The following GPR137C variants were observed in gnomAD, a reference collection of about 807,000 sequenced individuals.
GPR137C encodes integral membrane protein GPR137C.
A neutral mutation model predicts 43.4 loss-of-function variants in GPR137C; 27 were observed. That is an observed-to-expected ratio of 0.62 (90% confidence interval 0.46 to 0.86). GPR137C has a LOEUF of 0.86. Among genes scored for constraint, GPR137C ranks in the 40% least tolerant of loss-of-function variants. GPR137C has a pLI of 0.00. For missense variants in GPR137C, 522 were observed against 534.6 expected (o/e 0.98, Z 0.23); for synonymous variants, 285 against 226.9 (o/e 1.26, Z -2.30).
At chr14:52,630,568 G>A (rs1163627067) in intron 3 of GPR137C, among the ~76,000 whole-genome samples, 1 of 152,040 alleles carries the variant, frequency 6.6e-6, no homozygotes, top group Non-Finnish European at 1.5e-5. Flanking sequence ...TAGTGTGTTA[G>A]CTCAAAGAAG....
At chr14:52,603,592 T>G (rs1424526737) in intron 3 of GPR137C, among the ~76,000 whole-genome samples, 1 of 152,162 alleles carries the variant, frequency 6.6e-6, no homozygotes. Context: ...GGAGTACAAG[T>G]GGCGCACTCT....
At chr14:52,556,353 G>A (rs2038193211) in intron 1 of GPR137C, among the ~76,000 whole-genome samples, 1 of 147,734 alleles carries the variant, frequency 6.8e-6, no homozygotes, top group Non-Finnish European at 1.5e-5. Context: ...TAAAACTCAT[G>A]TTTTTGAAAA....
rs1473809629 is a variant in GPR137C at position 52,636,872 on chromosome 14, A to G, written c.*1757A>G. The G allele has an allele frequency of 6.6e-6, 1 of 152,142 alleles. No homozygotes were observed. Among genetic ancestry groups the G allele is most frequent in the Non-Finnish European group, 1.5e-5 (1 of 67,980 alleles). 9.4% of individuals were successfully genotyped at this position (152,142 alleles called of 1,614,324 possible). ...AGTGACAAAAGCGTACTTTTATTACAACTCCAGTTGTTAGATTGCTTCTCA... is the reference window on the plus strand; with the variant it reads ...AGTGACAAAAGCGTACTTTTATTACGACTCCAGTTGTTAGATTGCTTCTCA... On this transcript the variant is annotated 3_prime_UTR_variant, in exon 7 of 7. Transcript: ENST00000321662.
chr14:52,634,251 T>G (rs1327272027), intron 6 of GPR137C, among the ~76,000 whole-genome samples: 1 of 152,116 alleles, frequency 6.6e-6, no homozygotes, highest in Non-Finnish European at 1.5e-5. Context: ...AATACTATTA[T>G]AGTGATTATA....
At chr14:52,586,920 C>A (rs953863618) in intron 1 of GPR137C, among the ~76,000 whole-genome samples, 1 of 152,140 alleles carries the variant, frequency 6.6e-6, no homozygotes, top group Non-Finnish European at 1.5e-5. Context: ...AACTGGAATT[C>A]TTTGCCCCAC....
rs775971492 is a variant in GPR137C, at chr14:52,634,945, A to G, written c.1120A>G (p.Asn374Asp). 2.0e-5 allele frequency: 33 copies of G among 1,611,956 alleles called. No individual in the cohort carries two copies. In the South Asian group the frequency reaches 3.6e-4, roughly 18 times the overall value. ...LGSSREGSLP[N>D]SQSLGWYGTM... is the part of the protein sequence containing the mutation. ...GCCTTTTTTTTGTTGCAGTTTACCA[A>G]ATTCGCAAAGTTTGGGCTGGTATGG... is the stretch of plus-strand genomic sequence containing the variant. The change falls in exon 7 of 7, where the codon AAT becomes GAT. Residue 374 changes from asparagine (N) to aspartate (D), a missense_variant. By Grantham distance (23) the Asn-to-Asp change is conservative. Around this residue, in one of 3 missense-constraint regions of GPR137C, gnomAD observed 67 missense variants for 69.0 expected, o/e 0.97. Coordinates refer to ENST00000321662, the MANE Select transcript of GPR137C (RefSeq NM_001099652.2).
intron 3 of GPR137C, among the ~76,000 whole-genome samples, chr14:52,631,946 A>G (rs902761454): frequency 6.5e-5 from 7 of 107,112 alleles, no homozygotes; most frequent in African/African-American, 2.2e-4. Context: ...GCTATTTGGC[A>G]AGTTGGCAAA....
rs777209184 is a variant in GPR137C, at chr14:52,553,490, C to T, written c.343C>T (p.Pro115Ser). 5.6e-6 allele frequency: 9 copies of T among 1,608,724 alleles called. 1 individual carries two copies. The South Asian group carries it at 8.8e-5, about 16-fold the overall frequency. ...CAGCGGCTCCCTGCCCTTGCTCCGG[C>T]CGCCCGCTCACCTGCACTTCTTCCC... is the stretch of plus-strand genomic sequence containing the variant. ...SLSGSLPLLR[P>S]PAHLHFFPHW... Residue 115 changes from proline to serine, a missense_variant, in exon 1 of 7, where the codon CCG (proline) becomes TCG (serine). Physicochemically the swap from Pro to Ser is moderately conservative, Grantham distance 74. This residue lies in a region of GPR137C where 437 missense variants were observed against 425.7 expected (regional missense o/e 1.03). Transcript: ENST00000321662.
rs139409540 is a variant in GPR137C, at chr14:52,625,756, G to A, written c.718-6404G>A. Among the ~76,000 whole-genome samples the A allele has an allele frequency of 5.3e-3, 808 of 151,484 alleles. 5 individuals are homozygous for A. The highest frequency in any genetic ancestry group is 8.6e-3 in the Non-Finnish European group (587 of 67,862). On this transcript the variant is annotated intron_variant, in intron 3 of 6. Coordinates refer to ENST00000321662, the MANE Select transcript of GPR137C (RefSeq NM_001099652.2). ...TTTTTAGTAGAGACGGGTTTTCACC[G>A]TGTTAGCCAGGATGGTCTCGATCTC...
rs187118619 is a variant in GPR137C, at chr14:52,594,023, C to T, written c.445-4249C>T. On this transcript the variant is annotated intron_variant, in intron 1 of 6. Transcript: ENST00000321662. ...TAAATGTGTCCCAGAAATTCTGGTACGATGTGTCTTTGTTCTCATTGGTTT... is the reference window on the plus strand; with the variant it reads ...TAAATGTGTCCCAGAAATTCTGGTATGATGTGTCTTTGTTCTCATTGGTTT... 8.7e-4 allele frequency among the ~76,000 whole-genome samples: 132 copies of T among 152,242 alleles called. 1 individual carries two copies. The highest frequency in any genetic ancestry group is 1.6e-3 in the Non-Finnish European group (110 of 68,012).
intron 1 of GPR137C, among the ~76,000 whole-genome samples, chr14:52,597,680 A>G (rs997234520): frequency 3.3e-5 from 5 of 152,220 alleles, no homozygotes; most frequent in Non-Finnish European, 7.3e-5. Flanking sequence ...TGTTCGCAGA[A>G]TATACCATGT....
intron 1 of GPR137C, among the ~76,000 whole-genome samples, chr14:52,593,834 G>A (rs2038815794): frequency 6.6e-6 from 1 of 152,016 alleles, no homozygotes; most frequent in African/African-American, 2.4e-5. Flanking sequence ...GTCTCCCTCA[G>A]TTCTGCTCTG....
chr14:52,568,824 C>G (rs2038415871), intron 1 of GPR137C, among the ~76,000 whole-genome samples: 1 of 152,256 alleles, frequency 6.6e-6, no homozygotes, highest in South Asian at 2.1e-4. Context: ...CTCCCATATC[C>G]CTGGGACAGG....
intron 3 of GPR137C, among the ~76,000 whole-genome samples, chr14:52,626,757 C>T (rs1049193866): frequency 6.6e-6 from 1 of 152,054 alleles, no homozygotes; most frequent in Admixed American, 6.6e-5. Flanking sequence ...GAATAAATGA[C>T]TTTAGCAAGT....
chr14:52,603,857 C>T lies in GPR137C; in HGVS notation c.717+3516C>T, dbSNP rs191241862. On this transcript the variant is annotated intron_variant, in intron 3 of 6. Transcript: ENST00000321662. The stretch of plus-strand genomic sequence containing the variant: ...CCCAGCCTCATACTGTTTTTCATAA[C>T]GGTTGTCCTACTTTACATTCCCATC... 1.6e-3 allele frequency among the ~76,000 whole-genome samples: 243 copies of T among 152,100 alleles called. 2 individuals carry two copies. Among genetic ancestry groups the T allele is most frequent in the African/African-American group, 5.2e-3 (215 of 41,524 alleles).
intron 3 of GPR137C, among the ~76,000 whole-genome samples, chr14:52,603,609 G>A (rs57964908): frequency 0.017 from 2,519 of 152,018 alleles, 59 homozygotes; most frequent in African/African-American, 0.057. Context: ...CTCTTGGTTC[G>A]CTGCAACTTC....
intron 1 of GPR137C, chr14:52,596,902 C>T (rs1420170610): frequency 1.5e-5 from 7 of 453,936 alleles, no homozygotes; most frequent in Non-Finnish European, 2.2e-5. Flanking sequence ...CTGTCTTCTG[C>T]GTCAACCTTG....
chr14:52,567,529 A>G (rs1180407808), intron 1 of GPR137C, among the ~76,000 whole-genome samples: 1 of 152,146 alleles, frequency 6.6e-6, no homozygotes, highest in African/African-American at 2.4e-5. Context: ...CCTAAACCAC[A>G]TTAGAAATTA....
intron 3 of GPR137C, among the ~76,000 whole-genome samples, chr14:52,609,036 T>C (rs1199831960): frequency 6.6e-6 from 1 of 152,196 alleles, no homozygotes. Context: ...TCTTTCTCAG[T>C]TCCCTACCTA....
Sources: gnomAD v4.1 joint callset for allele counts (sites outside exome capture counted in the v4.1 genomes callset) on GRCh38, gnomAD v4.1.1 for gene constraint, gnomAD v4.1.1 regional missense constraint, MANE v1.5 for transcripts, NCBI Gene and HGNC (gene_info 2026-07-23, HGNC 2026-07-21) for gene names.